SQOR: variants seen among roughly 807,000 people sequenced by gnomAD.
SQOR encodes the protein sulfide quinone oxidoreductase, also known as sulfide:quinone oxidoreductase, mitochondrial.
In SQOR, 39 loss-of-function variants were observed where a neutral mutation model predicts 48.6. That is an observed-to-expected ratio of 0.80 (90% CI 0.62 to 1.05). SQOR has a LOEUF of 1.05. Ranked by LOEUF, SQOR falls within the 50% of genes least tolerant of loss-of-function variation. The pLI is 0.00. For synonymous variants in SQOR, 220 were observed against 206.2 expected, an observed-to-expected ratio of 1.07 and a Z score of -0.57; for missense variants, 561 against 559.9, an observed-to-expected ratio of 1.00 and a Z score of -0.02.
At chr15:45,631,759 C>T (rs1319801994), upstream of SQOR, 1 of 152,310 alleles carries the variant, frequency 6.6e-6, no homozygotes, top group African/African-American at 2.4e-5. Flanking sequence ...TTTTCCTTCT[C>T]CCGGATGTTC....
intron 3 of SQOR, among the ~76,000 whole-genome samples, chr15:45,668,595 C>A (rs908636144): frequency 6.6e-6 from 1 of 152,134 alleles, no homozygotes; most frequent in Non-Finnish European, 1.5e-5. Context: ...CTGAAGCTCC[C>A]GGATGCCAGG....
chr15:45,653,390 C>G (rs1040248310), intron 1 of SQOR, among the ~76,000 whole-genome samples: 2 of 143,744 alleles, frequency 1.4e-5, no homozygotes, highest in Admixed American at 6.7e-5. Flanking sequence ...GGGGAACACT[C>G]TACCTCAGTT....
At chr15:45,647,780 G>A (rs75359417) in intron 1 of SQOR, among the ~76,000 whole-genome samples, 1 of 151,888 alleles carries the variant, frequency 6.6e-6, no homozygotes, top group African/African-American at 2.4e-5. Context: ...GCTGGGCGTG[G>A]TTGTGGGTGC....
intron 7 of SQOR, among the ~76,000 whole-genome samples, chr15:45,683,201 T>C (rs1890155461): frequency 6.7e-6 from 1 of 149,928 alleles, no homozygotes; most frequent in South Asian, 2.1e-4. Flanking sequence ...TGCATCACTT[T>C]TCTAGCTCTC....
In SQOR at chr15:45,643,896, A is replaced by T. The variant is rs149349793; in HGVS notation, c.-18+8788A>T. Among the ~76,000 whole-genome samples, 384 of 152,306 alleles carry T rather than the reference A, an allele frequency of 2.5e-3. 1 individual carries two copies. Among genetic ancestry groups the T allele is most frequent in the African/African-American group, 8.9e-3 (368 of 41,576 alleles). ...AAGTTTCAATAGAATGGAGGATAGT[A>T]TATGACAAAGGAAAGGAAGGCCACG... On this transcript the variant is annotated intron_variant, in intron 1 of 9. Coordinates refer to ENST00000260324, the MANE Select transcript of SQOR (RefSeq NM_021199.4).
chr15:45,648,757 A>T (rs1889402745), intron 1 of SQOR, among the ~76,000 whole-genome samples: 1 of 152,222 alleles, frequency 6.6e-6, no homozygotes, highest in South Asian at 2.1e-4. Flanking sequence ...GCTCACAGTA[A>T]GCTTGGGCCA....
intron 1 of SQOR, among the ~76,000 whole-genome samples, chr15:45,655,373 C>A (rs988061367): frequency 6.6e-6 from 1 of 152,148 alleles, no homozygotes; most frequent in Non-Finnish European, 1.5e-5. Flanking sequence ...TGCTGTGATT[C>A]TATCATTCTG....
At chr15:45,661,841 G>A (rs1405544471) in intron 2 of SQOR, 114 bp from the exon 3 acceptor site, 11 of 1,105,262 alleles carry the variant, frequency 1.0e-5, no homozygotes, top group African/African-American at 1.6e-5. Context: ...TTTTCCATAC[G>A]ATGCTCTAAA....
intron 1 of SQOR, among the ~76,000 whole-genome samples, chr15:45,654,073 G>GATCT (rs1340173915): frequency 3.4e-5 from 5 of 145,576 alleles, no homozygotes; most frequent in Non-Finnish European, 7.4e-5. Context: ...AGTGAGCCAA[G>GATCT]ATCTCCCCAC....
intron 1 of SQOR, among the ~76,000 whole-genome samples, chr15:45,645,498 A>T (rs72713201): frequency 1.3e-5 from 2 of 152,136 alleles, no homozygotes; most frequent in Non-Finnish European, 2.9e-5. Flanking sequence ...GTCTTCCCCA[A>T]TGTGGGTTGG....
At chr15:45,669,026 A>C (rs1215277355) in intron 3 of SQOR, among the ~76,000 whole-genome samples, 1 of 152,010 alleles carries the variant, frequency 6.6e-6, no homozygotes, top group Admixed American at 6.6e-5. Context: ...TGCTCAAAAG[A>C]GCAATCTCCC....
At chr15:45,676,383 C>T in intron 6 of SQOR, 73 bp downstream of exon 6, 2 of 1,393,784 alleles carry the variant, frequency 1.4e-6, no homozygotes, top group Non-Finnish European at 2.0e-6. Flanking sequence ...TGGGGGCTCA[C>T]ACCACCCTAT....
At chr15:45,642,710 G>A (rs938295610) in intron 1 of SQOR, among the ~76,000 whole-genome samples, 16 of 152,180 alleles carry the variant, frequency 1.1e-4, no homozygotes, top group Admixed American at 3.3e-4. Flanking sequence ...AAAGTAGCCC[G>A]AACAGGTCCC....
intron 1 of SQOR, among the ~76,000 whole-genome samples, chr15:45,658,398 G>A (rs879013471): frequency 6.6e-6 from 1 of 152,170 alleles, no homozygotes; most frequent in Non-Finnish European, 1.5e-5. Flanking sequence ...GCAGAAGGTG[G>A]GTTTCTTGCT....
chr15:45,662,537 C>T (rs1889739146), intron 3 of SQOR, among the ~76,000 whole-genome samples: 1 of 152,170 alleles, frequency 6.6e-6, no homozygotes, highest in East Asian at 1.9e-4. Flanking sequence ...GGAAAATATC[C>T]ATCCAGCCAC....
chr15:45,671,553 A>G (rs1171074285), intron 4 of SQOR, among the ~76,000 whole-genome samples: 1 of 152,232 alleles, frequency 6.6e-6, no homozygotes, highest in Admixed American at 6.5e-5. Context: ...GAATGTAATA[A>G]CCATGGTCAC....
intron 1 of SQOR, among the ~76,000 whole-genome samples, chr15:45,653,855 G>A (rs556710748): frequency 1.3e-5 from 2 of 152,286 alleles, no homozygotes; most frequent in African/African-American, 4.8e-5. Flanking sequence ...GTGGCATTTA[G>A]GCTGGGTGGG....
At chr15:45,688,597 C>T (rs1333355383) in intron 8 of SQOR, among the ~76,000 whole-genome samples, 193 bp downstream of exon 8, 3 of 151,814 alleles carry the variant, frequency 2.0e-5, no homozygotes, top group Admixed American at 1.3e-4. Context: ...CCGCAACCTC[C>T]ACCTCCTGGG....
At chr15:45,679,267 A>G (rs1426279323) in intron 6 of SQOR, among the ~76,000 whole-genome samples, 1 of 152,230 alleles carries the variant, frequency 6.6e-6, no homozygotes, top group African/African-American at 2.4e-5. Context: ...CCCTGGCTAC[A>G]TATTAGGGAG....
Sources: gnomAD v4.1 joint callset for allele counts (sites outside exome capture counted in the v4.1 genomes callset) on GRCh38, gnomAD v4.1.1 for gene constraint, MANE v1.5 for transcripts, NCBI Gene and HGNC (gene_info 2026-07-23, HGNC 2026-07-21) for gene names.